The following AKNAD1 variants were observed in gnomAD, a reference collection of about 807,000 sequenced individuals.
AKNAD1 encodes the protein AKNA domain containing 1, also known as protein AKNAD1.
A neutral mutation model predicts 90.8 loss-of-function variants in AKNAD1; 67 were observed. The ratio of observed to expected loss-of-function variants is 0.74; its 90% CI spans 0.61 to 0.90. AKNAD1 has a LOEUF of 0.90. Among genes scored for constraint, AKNAD1 ranks in the 40% least tolerant of loss-of-function variants. AKNAD1 has a pLI of 0.00. For synonymous variants in AKNAD1, 327 were observed against 341.4 expected, an observed-to-expected ratio of 0.96 and a Z score of 0.46; for missense variants, 957 against 975.4, an observed-to-expected ratio of 0.98 and a Z score of 0.25.
chr1:108,853,136 C>CTTTTTTCTT (rs1398505027), intron 1 of AKNAD1, among the ~76,000 whole-genome samples: 6 of 133,540 alleles, frequency 4.5e-5, no homozygotes, highest in African/African-American at 1.7e-4. Context: ...TTTCTTTTTT[C>CTTTTTTCTT]TTTTTTTTTT....
chr1:108,847,683 A>AC (rs1664741611), intron 5 of AKNAD1, among the ~76,000 whole-genome samples: 1 of 151,764 alleles, frequency 6.6e-6, no homozygotes. Flanking sequence ...TTTCTAGAAT[A>AC]CCCCTTGGTC....
rs764554227 is a variant in AKNAD1, at chr1:108,817,159, G to C, written c.2268C>G (p.Phe756Leu). Reference protein sequence around the residue: ...PTPGKKKLQAFMTYSSDPATP... With the variant: ...PTPGKKKLQALMTYSSDPATP... ...TTGCAGGGTCTGAGCTGTAGGTCAT[G>C]AAAGCCTGAAGTTTTTTTCTGGAAG... Residue 756 changes from phenylalanine (F) to leucine (L), a missense_variant, in exon 15 of 16, where the codon TTC becomes TTG. Transcript: ENST00000370001. 1.9e-6 allele frequency: 3 copies of C among 1,613,952 alleles called. No homozygotes were observed. The South Asian group carries it at 3.3e-5, about 18-fold the overall frequency.
Position 108,835,060 on chromosome 1 carries a change from G to C in AKNAD1, c.1537-4C>G, listed in dbSNP as rs1483883888. 6.4e-7 allele frequency: 1 copy of C among 1,571,154 alleles called. No individual in the cohort carries two copies. Among genetic ancestry groups the C allele is most frequent in the Non-Finnish European group, 8.6e-7 (1 of 1,164,462 alleles). On this transcript the variant is annotated splice_region_variant and splice_polypyrimidine_tract_variant and intron_variant, in intron 7 of 15. Transcript: ENST00000370001. ...GGCCGGGGTGCTCCTTGGGAATCTG[G>C]GGGAGCCACACAGAAAGACTTGAAT...
intron 10 of AKNAD1, among the ~76,000 whole-genome samples, chr1:108,827,800 C>A (rs1183941287): frequency 8.3e-6 from 1 of 120,392 alleles, no homozygotes; most frequent in Non-Finnish European, 1.7e-5. Flanking sequence ...GGTGACAGAG[C>A]GAGACTCCTA....
intron 11 of AKNAD1, 22 bp from the exon 12 acceptor site, chr1:108,823,710 G>A: frequency 1.2e-6 from 2 of 1,613,938 alleles, no homozygotes; most frequent in Non-Finnish European, 1.7e-6. Context: ...CAAGTTGCAT[G>A]AATGAAGGGT....
chr1:108,850,384 T>C lies in AKNAD1; in HGVS notation c.994-808A>G, dbSNP rs900252994. On this transcript the variant is annotated intron_variant, in intron 2 of 15. Coordinates refer to ENST00000370001, the MANE Select transcript of AKNAD1 (RefSeq NM_152763.5). ...ATACCAGAGGGAGAAGAGCCTGATA[T>C]CCATCTGCTCCTGCTAACCACGGGG... 4.6e-5 allele frequency among the ~76,000 whole-genome samples: 7 copies of C among 152,194 alleles called. No homozygotes were observed. In the East Asian group the frequency reaches 1.4e-3, roughly 29 times the overall value.
rs766311134 is a variant in AKNAD1, at chr1:108,827,272, T to G, written c.1869A>C (p.Gly623=). Residue 623 remains glycine (G), a synonymous_variant, in exon 11 of 16, where the codon GGA becomes GGC. Transcript: ENST00000370001. ...TTGAAAATCTTCCACAGTTGATCCT[T>G]CCGTGGCCCTTTTTCTCCACGTTTT... ...WKQNVEKKGH[G]RINCGRFSIV... is the part of the protein sequence containing the mutation. 1.2e-6 allele frequency: 2 copies of G among 1,611,768 alleles called. No homozygotes were observed. Among genetic ancestry groups the G allele is most frequent in the African/African-American group, 2.7e-5 (2 of 74,862 alleles).
In AKNAD1 at chr1:108,834,880, G is replaced by T. The variant is rs1664329823; in HGVS notation, c.1664+49C>A. 3 of 1,496,666 alleles carry T rather than the reference G, an allele frequency of 2.0e-6. No individual in the cohort carries two copies. In the East Asian group the frequency reaches 7.4e-5, roughly 37 times the overall value. 92.7% of individuals were successfully genotyped at this position (1,496,666 alleles called of 1,614,324 possible). A position where few individuals can be genotyped will look rare whatever the true frequency, so the allele number is the denominator to read the frequency against. On this transcript the variant is annotated intron_variant, in intron 8 of 15. Transcript: ENST00000370001. ...TTCCTGGAGGCTGCATGAGGAAGGG[G>T]CCTCTTTCTGTGTCCTGTGTCTGCT...
At chr1:108,823,147 C>T (rs1433402771) in intron 13 of AKNAD1, 1 of 716,518 alleles carries the variant, frequency 1.4e-6, no homozygotes, top group Non-Finnish European at 2.6e-6. Flanking sequence ...CTTTCAAAGT[C>T]CTTGGTCACT....
intron 7 of AKNAD1, among the ~76,000 whole-genome samples, chr1:108,836,328 C>T (rs529558173): frequency 1.3e-5 from 2 of 152,162 alleles, no homozygotes; most frequent in Non-Finnish European, 2.9e-5. Context: ...TCCACGGTGG[C>T]TCAGGGCTTC....
At position 108,852,384 on chromosome 1, in the gene AKNAD1, G is replaced by C. The variant is rs777951451; in HGVS notation, c.281C>G (p.Ala94Gly). Residue 94 changes from alanine to glycine, a missense_variant, in exon 2 of 16, where the codon GCT becomes GGT. Transcript: ENST00000370001. ...TCCTTCATTTGCTGGAATATGAAGA[G>C]CTGCAGTGCATTGTTTCTCTTTCTC... ...KDEKEKQCTA[A>G]LHIPANEGDA... 3.1e-6 allele frequency: 5 copies of C among 1,614,040 alleles called. No homozygotes were observed. The South Asian group carries it at 5.5e-5, about 18-fold the overall frequency.
intron 9 of AKNAD1, among the ~76,000 whole-genome samples, chr1:108,832,707 A>G (rs1448361124): frequency 1.3e-5 from 2 of 152,202 alleles, no homozygotes; most frequent in African/African-American, 4.8e-5. Context: ...AATATTGTCA[A>G]GGAGGAGGTG....
intron 5 of AKNAD1, among the ~76,000 whole-genome samples, chr1:108,846,495 C>A (rs1664705037): frequency 6.6e-6 from 1 of 152,174 alleles, no homozygotes. Flanking sequence ...AGATCCACCA[C>A]TTCAATCAAA....
At chr1:108,819,097 C>T (rs1474697961) in intron 14 of AKNAD1, among the ~76,000 whole-genome samples, 2 of 152,186 alleles carry the variant, frequency 1.3e-5, no homozygotes, top group South Asian at 2.1e-4. Flanking sequence ...CACTCTGCTG[C>T]GCTATTGGTT....
At chr1:108,831,441 G>T (rs542844866) in intron 9 of AKNAD1, among the ~76,000 whole-genome samples, 8 of 152,188 alleles carry the variant, frequency 5.3e-5, no homozygotes, top group Admixed American at 4.6e-4. Flanking sequence ...CACAAAAGTT[G>T]TACAGATTTC....
At chr1:108,845,646 C>T (rs895218465) in intron 5 of AKNAD1, among the ~76,000 whole-genome samples, 14 of 152,224 alleles carry the variant, frequency 9.2e-5, no homozygotes, top group African/African-American at 3.1e-4. Flanking sequence ...AGAACCCTGA[C>T]TGACACTGTA....
chr1:108,832,680 A>T (rs1027484247), intron 9 of AKNAD1, among the ~76,000 whole-genome samples: 2 of 152,150 alleles, frequency 1.3e-5, no homozygotes, highest in Admixed American at 1.3e-4. Context: ...TCAGTTTTGT[A>T]AACAACTTAA....
At chr1:108,852,908 A>C in intron 1 of AKNAD1, 141 bp from the exon 2 acceptor site, 2 of 343,700 alleles carry the variant, frequency 5.8e-6, no homozygotes, top group South Asian at 1.5e-4. Flanking sequence ...AAGCTGACCC[A>C]ACCTCAATCC....
chr1:108,837,792 A>G (rs898500794), intron 6 of AKNAD1, 86 bp from the exon 7 acceptor site: 2 of 1,390,212 alleles, frequency 1.4e-6, no homozygotes, highest in Non-Finnish European at 2.0e-6. Context: ...TACAGCATTG[A>G]TTTATATTAT....
Sources: allele counts gnomAD v4.1 joint callset (sites outside exome capture counted in the v4.1 genomes callset), GRCh38; gene constraint gnomAD v4.1.1; transcripts MANE v1.5; gene names NCBI Gene and HGNC (gene_info 2026-07-23, HGNC 2026-07-21).